The following PARP8 variants were observed in gnomAD, a reference collection of about 807,000 sequenced individuals.
The protein encoded by PARP8 is protein mono-ADP-ribosyltransferase PARP8.
PARP8 carries 51 observed loss-of-function variants against 124.1 expected under a neutral mutation model. The observed-to-expected ratio is 0.41, with a 90% CI of 0.33 to 0.52. PARP8 has a LOEUF of 0.52. PARP8 is among the 20% of genes least tolerant of loss of function. The probability of loss-of-function intolerance (pLI) is 0.21; values close to 1 mark genes in which losing one functional copy is unlikely to be tolerated. For synonymous variants in PARP8, 391 were observed against 361.5 expected (o/e 1.08, Z -0.93); for missense variants, 860 against 1,018.9 (o/e 0.84, Z 2.12).
rs201688514 is a variant in PARP8, at chr5:50,761,836, A to G, written c.361A>G (p.Ser121Gly). 185 of 1,594,900 alleles carry G rather than the reference A, an allele frequency of 1.2e-4. No homozygotes were observed. Among genetic ancestry groups the G allele is most frequent in the East Asian group, 1.1e-3 (48 of 44,074 alleles). ...TTATTTTAAGGAATCAAGACAGAAT[A>G]GTACAGTGGAGGAAGATTCTGAAGG... ...KENGEESRQN[S>G]TVEEDSEGDN... Residue 121 changes from serine to glycine, a missense_variant, in exon 6 of 26, where the codon AGT (serine) becomes GGT (glycine). Coordinates refer to ENST00000281631, the MANE Select transcript of PARP8 (RefSeq NM_024615.4).
chr5:50,669,044 T>G (rs1313742041), intron 2 of PARP8: 1 of 152,212 alleles, frequency 6.6e-6, no homozygotes, highest in African/African-American at 2.4e-5. Context: ...GTACATACAT[T>G]TTTAAAAGCT....
At chr5:50,692,723 A>G (rs1416818228) in intron 2 of PARP8, among the ~76,000 whole-genome samples, 1 of 152,078 alleles carries the variant, frequency 6.6e-6, no homozygotes, top group Non-Finnish European at 1.5e-5. Flanking sequence ...AATCCATTAG[A>G]CTAAATCTTA....
chr5:50,744,067 G>C (rs1758304249), intron 2 of PARP8, among the ~76,000 whole-genome samples: 1 of 152,150 alleles, frequency 6.6e-6, no homozygotes, highest in Admixed American at 6.5e-5. Context: ...GAGGATCCAG[G>C]AGTTTGACGT....
Position 50,741,900 on chromosome 5 carries a change from C to G in PARP8, c.147-8251C>G, listed in dbSNP as rs770094793. 5 of 439,268 alleles carry G rather than the reference C, an allele frequency of 1.1e-5. 1 individual carries two copies. The highest frequency in any genetic ancestry group is 8.0e-5 in the South Asian group (5 of 62,234). The allele number at this position is 439,268 out of a possible 1,614,324, so 27.2% of individuals were successfully genotyped here. ...TCTCAGCTCACTGCAACCTCCGCCT[C>G]CCAGGTTCAAGTGATTCTCCTGCCT... On this transcript the variant is annotated intron_variant, in intron 2 of 25. Transcript: ENST00000281631.
At position 50,794,300 on chromosome 5, in the gene PARP8, G is replaced by A. The variant is rs776353144; in HGVS notation, c.831G>A (p.Lys277=). 8.1e-6 allele frequency: 13 copies of A among 1,613,414 alleles called. No individual in the cohort carries two copies. Among genetic ancestry groups the A allele is most frequent in the Admixed American group, 3.3e-5 (2 of 59,984 alleles). Residue 277 remains lysine, a synonymous_variant, in exon 11 of 26, where the codon AAG becomes AAA. Transcript: ENST00000281631. ...AAAAGTTGTCAGAGAAGAAAGTGAA[G>A]TCTCCCCTGCATTTATTTTCTACTT... ...HNKKLSEKKV[K]SPLHLFSTLR...
In PARP8 at chr5:50,716,267, C is replaced by T. The variant is rs559780563; in HGVS notation, c.147-33884C>T. On this transcript the variant is annotated intron_variant, in intron 2 of 25. Transcript: ENST00000281631. ...TTTTACAAGTGAGATAATAATTATA[C>T]GATATAGGGTAGTTCTGATTATCAG... 1.8e-3 allele frequency among the ~76,000 whole-genome samples: 271 copies of T among 152,124 alleles called. 2 individuals are homozygous for T. The highest frequency in any genetic ancestry group is 6.3e-3 in the African/African-American group (261 of 41,524).
chr5:50,825,026 C>A, intron 18 of PARP8, 51 bp downstream of exon 18: 2 of 1,437,282 alleles, frequency 1.4e-6, no homozygotes, highest in Non-Finnish European at 9.7e-7. Flanking sequence ...TTTTCTACTG[C>A]TTGATTTAAG....
chr5:50,693,302 T>C (rs902124261), intron 2 of PARP8, among the ~76,000 whole-genome samples: 5 of 152,178 alleles, frequency 3.3e-5, no homozygotes, highest in African/African-American at 9.7e-5. Flanking sequence ...TTCCCAGGCA[T>C]AGAATGAATG....
At chr5:50,833,471 CTTTAAAT>C (rs529693235) in intron 23 of PARP8, 38 of 428,528 alleles carry the variant, frequency 8.9e-5, no homozygotes, top group African/African-American at 7.3e-4. Context: ...AGTAGTGTGA[CTTTAAAT>C]TTAAAAAAAG....
At chr5:50,675,248 G>C (rs577761850) in intron 2 of PARP8, among the ~76,000 whole-genome samples, 98 of 152,262 alleles carry the variant, frequency 6.4e-4, no homozygotes, top group South Asian at 4.1e-4. Flanking sequence ...TGAAAAGGTG[G>C]ATTTGTCAAC....
intron 19 of PARP8, among the ~76,000 whole-genome samples, chr5:50,827,665 T>C (rs553958047): frequency 1.3e-5 from 2 of 152,334 alleles, no homozygotes; most frequent in African/African-American, 4.8e-5. Flanking sequence ...GATTGCATAC[T>C]GTATTCCAAA....
intron 15 of PARP8, among the ~76,000 whole-genome samples, chr5:50,817,753 T>A (rs1411529797): frequency 6.6e-6 from 1 of 152,196 alleles, no homozygotes; most frequent in Non-Finnish European, 1.5e-5. Flanking sequence ...ACCCTTAGGC[T>A]CTTCCTATAG....
At chr5:50,721,993 A>G (rs1755938843) in intron 2 of PARP8, among the ~76,000 whole-genome samples, 1 of 152,256 alleles carries the variant, frequency 6.6e-6, no homozygotes, top group African/African-American at 2.4e-5. Flanking sequence ...ATATTAAGAA[A>G]CATGACTAAG....
chr5:50,759,620 A>ATTTTT, intron 3 of PARP8, 23 bp from the exon 4 acceptor site: 1 of 1,111,314 alleles, frequency 9.0e-7, no homozygotes, highest in Non-Finnish European at 1.2e-6. Flanking sequence ...GCCTTTCATT[A>ATTTTT]TCTTTTTTTT....
At chr5:50,726,985 C>T (rs1188370093) in intron 2 of PARP8, among the ~76,000 whole-genome samples, 1 of 152,072 alleles carries the variant, frequency 6.6e-6, no homozygotes, top group East Asian at 1.9e-4. Flanking sequence ...ACTAGGCCAT[C>T]TCATGCTATC....
intron 14 of PARP8, among the ~76,000 whole-genome samples, chr5:50,799,430 C>G (rs1742940565): frequency 6.6e-6 from 1 of 152,284 alleles, no homozygotes; most frequent in East Asian, 1.9e-4. Flanking sequence ...ATCTGCATGT[C>G]TGTCCTTAGG....
At chr5:50,675,594 C>A (rs1238512164) in intron 2 of PARP8, among the ~76,000 whole-genome samples, 5 of 152,210 alleles carry the variant, frequency 3.3e-5, no homozygotes, top group Non-Finnish European at 5.9e-5. Flanking sequence ...CGGGCGTGAG[C>A]CAGCCATGGC....
Position 50,824,910 on chromosome 5 carries a change from A to G in PARP8, c.1863A>G (p.Ala621=). ...SITSIREMTQ[A]PYLEIKKQMD... ...GAAGTATAATGACTTTTTTTCAGGC[A>G]CCATATCTGGAAATCAAGAAGCAAA... The change falls in exon 18 of 26, where the codon GCA becomes GCG. Residue 621 remains alanine, a splice_region_variant and synonymous_variant. Transcript: ENST00000281631. 1 of 1,612,430 alleles carries G rather than the reference A, an allele frequency of 6.2e-7. No individual in the cohort carries two copies. The highest frequency in any genetic ancestry group is 8.5e-7 in the Non-Finnish European group (1 of 1,178,724).
At chr5:50,681,070 G>A (rs1319866084) in intron 2 of PARP8, among the ~76,000 whole-genome samples, 1 of 151,990 alleles carries the variant, frequency 6.6e-6, no homozygotes, top group Non-Finnish European at 1.5e-5. Flanking sequence ...TAGTAATACA[G>A]CACAAATGGG....
Sources: gnomAD v4.1 joint callset for allele counts (sites outside exome capture counted in the v4.1 genomes callset) on GRCh38, gnomAD v4.1.1 for gene constraint, MANE v1.5 for transcripts, NCBI Gene and HGNC (gene_info 2026-07-23, HGNC 2026-07-21) for gene names.